Variants in TCF12 observed in about 807,000 individuals in gnomAD.
TCF12 encodes DNA-binding protein HTF4.
In TCF12, 45 loss-of-function variants were observed where a neutral mutation model predicts 86.0. That is an observed-to-expected ratio of 0.52 (90% CI 0.41 to 0.67). The LOEUF is 0.67. TCF12 is among the 30% of genes least tolerant of loss of function. TCF12 has a pLI of 0.00. For missense variants in TCF12, 881 were observed against 859.9 expected (o/e 1.02, Z -0.31); for synonymous variants, 330 against 299.6 (o/e 1.10, Z -1.05).
intron 3 of TCF12, among the ~76,000 whole-genome samples, chr15:56,962,473 GAA>G (rs1458278979): frequency 6.6e-6 from 1 of 152,126 alleles, no homozygotes; most frequent in Non-Finnish European, 1.5e-5. Flanking sequence ...TTTGAAGAGA[GAA>G]AACAGCTTTA....
intron 3 of TCF12, among the ~76,000 whole-genome samples, chr15:57,042,911 A>G (rs2066991758): frequency 6.6e-6 from 1 of 152,118 alleles, no homozygotes. Flanking sequence ...CTATTGAATA[A>G]CAGTTCCCCA....
chr15:57,279,292 G>C (rs1284366098), intron 19 of TCF12, among the ~76,000 whole-genome samples: 1 of 152,214 alleles, frequency 6.6e-6, no homozygotes, highest in East Asian at 1.9e-4. Flanking sequence ...TGTAAGAAGT[G>C]ACTAGTGAGT....
At chr15:57,253,706 A>G (rs764130410) in intron 16 of TCF12, among the ~76,000 whole-genome samples, 21 of 152,254 alleles carry the variant, frequency 1.4e-4, no homozygotes, top group Non-Finnish European at 3.1e-4. Flanking sequence ...TAAAACTTGG[A>G]TTTTTTTCCA....
chr15:57,170,039 C>T (rs2055194404), intron 6 of TCF12, among the ~76,000 whole-genome samples: 1 of 152,160 alleles, frequency 6.6e-6, no homozygotes, highest in Non-Finnish European at 1.5e-5. Flanking sequence ...TTGAACTAAA[C>T]ATAATCACAT....
chr15:57,206,605 T>TTTC (rs1355474401), intron 8 of TCF12, among the ~76,000 whole-genome samples: 1 of 117,242 alleles, frequency 8.5e-6, no homozygotes, highest in Non-Finnish European at 1.9e-5. Context: ...TTTTTTTTTT[T>TTTC]CTGAGACAGT....
At chr15:57,164,219 C>G (rs2054700970) in intron 5 of TCF12, among the ~76,000 whole-genome samples, 1 of 152,174 alleles carries the variant, frequency 6.6e-6, no homozygotes, top group African/African-American at 2.4e-5. Flanking sequence ...CATTCTCCCT[C>G]AAGAACTGGC....
rs113732582 is a variant in TCF12, at chr15:57,142,200, A to G, written c.326-24202A>G. On this transcript the variant is annotated intron_variant, in intron 5 of 20. Transcript: ENST00000333725. ...ACATATTATAGATAAAAGACCCATT[A>G]TCGCTATTAGAGAAGGAAATTACAA... 3.0e-3 allele frequency among the ~76,000 whole-genome samples: 455 copies of G among 152,302 alleles called. 1 individual carries two copies. Among genetic ancestry groups the G allele is most frequent in the African/African-American group, 0.011 (437 of 41,572 alleles).
Position 56,919,988 on chromosome 15 carries a change from G to A in TCF12, c.75G>A (p.Ala25=), listed in dbSNP as rs2059706767. ...TGAGCGACCTACTGGACTTCAGTGC[G>A]GTATGAGAGCTTTCCATGGCATCTT... is the stretch of plus-strand genomic sequence containing the variant. ...KELSDLLDFS[A]MFSPPVNSGK... is the part of the protein sequence containing the mutation. Residue 25 remains alanine, a splice_region_variant and synonymous_variant, in exon 2 of 21, where the codon GCG becomes GCA. Transcript: ENST00000333725. 6.2e-7 allele frequency: 1 copy of A among 1,613,822 alleles called. No individual in the cohort carries two copies. Among genetic ancestry groups the A allele is most frequent in the South Asian group, 1.1e-5 (1 of 91,080 alleles).
At chr15:57,221,396 G>GTGTGTGTA in intron 8 of TCF12, among the ~76,000 whole-genome samples, 1 of 151,542 alleles carries the variant, frequency 6.6e-6, no homozygotes, top group South Asian at 2.1e-4. Flanking sequence ...GTGTGTGTGT[G>GTGTGTGTA]TGTGTGTGTG....
intron 18 of TCF12, among the ~76,000 whole-genome samples, chr15:57,265,080 TAGTATAGTATAGTATAG>T (rs1259423553): frequency 2.3e-5 from 1 of 42,670 alleles, no homozygotes; most frequent in Non-Finnish European, 8.6e-5. Context: ...TAGTATAGTA[TAGTATAGTATAGTATAG>T]TATAGTATAG....
chr15:57,075,509 T>TA (rs1240003685), intron 4 of TCF12, among the ~76,000 whole-genome samples: 1 of 152,148 alleles, frequency 6.6e-6, no homozygotes, highest in Non-Finnish European at 1.5e-5. Flanking sequence ...TCCTCATTCT[T>TA]ATGGGAAAAA....
At chr15:57,211,099 C>G (rs904285648) in intron 8 of TCF12, among the ~76,000 whole-genome samples, 1 of 152,184 alleles carries the variant, frequency 6.6e-6, no homozygotes, top group African/African-American at 2.4e-5. Context: ...CCAGGTGATG[C>G]TGTATTCACC....
chr15:56,948,974 TC>T (rs111528391), intron 3 of TCF12, among the ~76,000 whole-genome samples: 3,760 of 152,280 alleles, frequency 0.025, 153 homozygotes, highest in African/African-American at 0.086. Context: ...TTCTCTTGAT[TC>T]CAGGCAGATT....
At chr15:57,123,522 TTC>T (rs2051387722) in intron 5 of TCF12, among the ~76,000 whole-genome samples, 1 of 152,168 alleles carries the variant, frequency 6.6e-6, no homozygotes, top group Middle Eastern at 3.4e-3. Flanking sequence ...CTTTTTTTTT[TTC>T]TTTTTTTAAG....
At chr15:57,153,068 C>T (rs2151468367) in intron 5 of TCF12, among the ~76,000 whole-genome samples, 1 of 152,268 alleles carries the variant, frequency 6.6e-6, no homozygotes, top group African/African-American at 2.4e-5. Context: ...AAAACTGTGT[C>T]AACCCGGAAT....
intron 4 of TCF12, among the ~76,000 whole-genome samples, chr15:57,069,592 G>A (rs1437533032): frequency 2.0e-5 from 3 of 152,138 alleles, no homozygotes; most frequent in Non-Finnish European, 2.9e-5. Flanking sequence ...AAACTGAAAC[G>A]ACATGTTTGA....
chr15:57,180,960 A>G (rs1373732115), intron 6 of TCF12, among the ~76,000 whole-genome samples: 4 of 151,224 alleles, frequency 2.6e-5, no homozygotes, highest in Admixed American at 6.6e-5. Flanking sequence ...GACTACAGGC[A>G]CCCGCCACCA....
At chr15:56,984,082 A>G (rs1183025139) in intron 3 of TCF12, among the ~76,000 whole-genome samples, 3 of 149,488 alleles carry the variant, frequency 2.0e-5, no homozygotes, top group Non-Finnish European at 4.5e-5. Flanking sequence ...TAGGATATGT[A>G]GAACCTATTC....
At chr15:57,217,178 C>G (rs1429615499) in intron 8 of TCF12, among the ~76,000 whole-genome samples, 1 of 152,070 alleles carries the variant, frequency 6.6e-6, no homozygotes, top group Non-Finnish European at 1.5e-5. Context: ...ACTCAACTCT[C>G]TTTACAAATT....
Sources: allele counts gnomAD v4.1 joint callset (sites outside exome capture counted in the v4.1 genomes callset), GRCh38; gene constraint gnomAD v4.1.1; transcripts MANE v1.5; gene names NCBI Gene and HGNC (gene_info 2026-07-23, HGNC 2026-07-21).